The following PDXDC1 variants were observed in gnomAD, a reference collection of about 807,000 sequenced individuals.
PDXDC1 encodes the protein pyridoxal-dependent decarboxylase domain-containing protein 1.
A neutral mutation model predicts 100.1 loss-of-function variants in PDXDC1; 42 were observed. The ratio of observed to expected loss-of-function variants is 0.42; its 90% CI spans 0.33 to 0.54. The LOEUF is 0.54. Ranked by LOEUF, PDXDC1 falls within the 20% of genes least tolerant of loss-of-function variation. The pLI, the probability that PDXDC1 is intolerant of heterozygous loss-of-function variation, is 0.10. For synonymous variants in PDXDC1, 260 were observed against 371.7 expected, an observed-to-expected ratio of 0.70 and a Z score of 3.46; for missense variants, 636 against 979.2, an observed-to-expected ratio of 0.65 and a Z score of 4.68.
chr16:15,131,423 G>A (rs1228263879), intron 16 of PDXDC1: 3 of 1,608,072 alleles, frequency 1.9e-6, no homozygotes, highest in Non-Finnish European at 2.5e-6. Context: ...AGGTTAGCCG[G>A]GGCCCTGCTG....
At chr16:15,091,451 A>T (rs1013588690) in intron 16 of PDXDC1, 40 of 887,954 alleles carry the variant, frequency 4.5e-5, no homozygotes, top group Non-Finnish European at 5.9e-5. Context: ...ACCGTACTTT[A>T]ACATCAGATG....
Position 15,037,794 on chromosome 16 carries a change from G to C in PDXDC1, c.*1519G>C, listed in dbSNP as rs997472159. On this transcript the variant is annotated 3_prime_UTR_variant, in exon 23 of 23. Coordinates refer to ENST00000396410, the MANE Select transcript of PDXDC1 (RefSeq NM_015027.4). ...AGGTTCTCCTCTGCCCGTTATTACCGACCAAAAAAAAAACTGGACATCAAT... is the reference window on the plus strand; with the variant it reads ...AGGTTCTCCTCTGCCCGTTATTACCCACCAAAAAAAAAACTGGACATCAAT... 4 of 405,230 alleles carry C rather than the reference G, an allele frequency of 9.9e-6. No individual in the cohort carries two copies. The highest frequency in any genetic ancestry group is 8.5e-5 in the African/African-American group (4 of 47,128). The allele number at this position is 405,230 out of a possible 1,614,324, so 25.1% of individuals were successfully genotyped here.
intron 8 of PDXDC1, among the ~76,000 whole-genome samples, chr16:15,014,034 C>G (rs2041581125): frequency 6.6e-6 from 1 of 152,234 alleles, no homozygotes. Flanking sequence ...TGGCGAAACC[C>G]TGTCTCTACT....
downstream of PDXDC1, among the ~76,000 whole-genome samples, chr16:15,141,032 C>T (rs1046959582): frequency 2.7e-5 from 4 of 150,646 alleles, no homozygotes; most frequent in Admixed American, 1.3e-4. Context: ...TCCCTGAGCA[C>T]CCGCCCAGCC....
intron 15 of PDXDC1, 150 bp from the exon 16 acceptor site, chr16:15,029,801 A>T (rs2042920447): frequency 1.6e-6 from 1 of 636,746 alleles, no homozygotes; most frequent in Admixed American, 3.0e-5. Flanking sequence ...TACTGTTTTT[A>T]AAAAGCTGCT....
At chr16:15,055,953 C>G in intron 16 of PDXDC1, 1 of 1,229,714 alleles carries the variant, frequency 8.1e-7, no homozygotes, top group Non-Finnish European at 1.0e-6. Context: ...ACTCGCCGCC[C>G]CTCGACGAGC....
At chr16:15,073,387 G>A (rs1235289169) in intron 16 of PDXDC1, among the ~76,000 whole-genome samples, 3 of 152,294 alleles carry the variant, frequency 2.0e-5, no homozygotes, top group Admixed American at 2.0e-4. Context: ...AGCCCAGGAG[G>A]TCAAGGCTGC....
intron 16 of PDXDC1, among the ~76,000 whole-genome samples, chr16:15,124,268 G>A (rs1332160012): frequency 6.6e-6 from 1 of 152,174 alleles, no homozygotes; most frequent in African/African-American, 2.4e-5. Flanking sequence ...CCTGTCCTCA[G>A]CTAAACTTCC....
At chr16:15,058,727 G>C (rs1204429226) in intron 16 of PDXDC1, among the ~76,000 whole-genome samples, 3 of 152,012 alleles carry the variant, frequency 2.0e-5, no homozygotes, top group Non-Finnish European at 4.4e-5. Context: ...TGAGACTCTT[G>C]TCTCAAAAAA....
At chr16:15,073,129 G>C (rs1567198583) in intron 16 of PDXDC1, 2 of 1,582,156 alleles carry the variant, frequency 1.3e-6, no homozygotes, top group Non-Finnish European at 8.6e-7. Flanking sequence ...ATATTTTCAA[G>C]TTTCATCTGC....
intron 4 of PDXDC1, among the ~76,000 whole-genome samples, chr16:15,002,911 A>T (rs1164303387): frequency 1.3e-5 from 2 of 152,156 alleles, no homozygotes. Context: ...AGGTTTTTTA[A>T]ATTATGAACC....
At chr16:15,011,995 ATTTC>A (rs1425037640) in intron 8 of PDXDC1, among the ~76,000 whole-genome samples, 2 of 152,244 alleles carry the variant, frequency 1.3e-5, no homozygotes, top group South Asian at 2.1e-4. Context: ...TTCTTTTAAA[ATTTC>A]TTTTTCATTC....
intron 1 of PDXDC1, among the ~76,000 whole-genome samples, chr16:14,997,013 T>C (rs1972124898): frequency 6.6e-6 from 1 of 152,152 alleles, no homozygotes; most frequent in African/African-American, 2.4e-5. Context: ...CCTGGGGCTG[T>C]GTACAATGGC....
In PDXDC1 at chr16:15,037,818, A is replaced by AT. The variant is rs2043578005; in HGVS notation, c.*1549dup. 2.1e-6 allele frequency: 1 copy of AT among 468,876 alleles called. No homozygotes were observed. Among genetic ancestry groups the AT allele is most frequent in the Non-Finnish European group, 3.7e-6 (1 of 267,384 alleles). The allele number at this position is 468,876 out of a possible 1,614,324, so 29.0% of individuals were successfully genotyped here. ...CGACCAAAAAAAAAACTGGACATCA[A>AT]TTTTTTAGTAAACCAAAAAATAAGT... On this transcript the variant is annotated 3_prime_UTR_variant, in exon 23 of 23. Transcript: ENST00000396410.
At chr16:15,010,593 A>C (rs1302288529) in intron 8 of PDXDC1, among the ~76,000 whole-genome samples, 1 of 152,294 alleles carries the variant, frequency 6.6e-6, no homozygotes, top group Non-Finnish European at 1.5e-5. Context: ...GCGGCAGAGC[A>C]ACTACCACTT....
intron 16 of PDXDC1, chr16:15,094,148 G>T (rs2057171816): frequency 6.3e-7 from 1 of 1,596,974 alleles, no homozygotes; most frequent in Non-Finnish European, 8.5e-7. Flanking sequence ...ATCTTACCCA[G>T]TCCTCGACGC....
intron 16 of PDXDC1, chr16:15,135,185 C>T (rs972684184): frequency 5.3e-5 from 44 of 824,222 alleles, no homozygotes; most frequent in South Asian, 4.8e-4. Flanking sequence ...GGGAAGAGCG[C>T]GCGGCCTCCA....
intron 1 of PDXDC1, among the ~76,000 whole-genome samples, chr16:14,984,476 C>CATATATATATATAT (rs749990542): frequency 3.2e-5 from 3 of 92,690 alleles, no homozygotes; most frequent in South Asian, 4.4e-4. Flanking sequence ...TGTGTGTATA[C>CATATATATATATAT]ATATATATAT....
At position 15,046,698 on chromosome 16, in the gene PDXDC1, A is replaced by C. The variant is rs1387126043; in HGVS notation, c.1399+16642A>C. Among the ~76,000 whole-genome samples the C allele has an allele frequency of 4.6e-4, 8 of 17,450 alleles. No homozygotes were observed. In the Admixed American group the frequency reaches 6.5e-3, roughly 14 times the overall value. 11.4% of individuals were successfully genotyped at this position (17,450 alleles called of 152,430 possible). On this transcript the variant is annotated intron_variant, in intron 16 of 16. Transcript: ENST00000535621. The stretch of plus-strand genomic sequence containing the variant: ...AACTTGGCAAAACCCTGTCTCTACC[A>C]AAAAAAAAAAAAAAAAAAAAAAAAA...
Sources: allele counts gnomAD v4.1 joint callset (sites outside exome capture counted in the v4.1 genomes callset), GRCh38; gene constraint gnomAD v4.1.1; transcripts MANE v1.5; gene names NCBI Gene and HGNC (gene_info 2026-07-23, HGNC 2026-07-21).